CCNH: variants seen among roughly 807,000 people sequenced by gnomAD.
The protein encoded by CCNH is cyclin-H.
Under a neutral mutation model 41.9 loss-of-function variants are expected in CCNH, and 31 were observed. The ratio of observed to expected loss-of-function variants is 0.74; its 90% CI spans 0.56 to 1.00. The LOEUF (loss-of-function observed/expected upper bound fraction) is 1.00, where lower values mean the gene tolerates loss of function less well. Among genes scored for constraint, CCNH ranks in the 50% least tolerant of loss-of-function variants. The pLI is 0.00. For synonymous variants in CCNH, 138 were observed against 136.1 expected, an observed-to-expected ratio of 1.01 and a Z score of -0.10; for missense variants, 362 against 388.4, an observed-to-expected ratio of 0.93 and a Z score of 0.57.
At chr5:87,381,221 G>T (rs886096409), upstream of CCNH, among the ~76,000 whole-genome samples, 6 of 152,168 alleles carry the variant, frequency 3.9e-5, no homozygotes, top group East Asian at 9.6e-4. Context: ...TGAAGAAGCA[G>T]ATCTGTCTGG....
chr5:87,317,969 A>AT (rs574093115), downstream of CCNH, among the ~76,000 whole-genome samples: 6 of 151,440 alleles, frequency 4.0e-5, no homozygotes, highest in African/African-American at 7.3e-5. Context: ...ATTTTTTCCC[A>AT]TTTTTTTTAG....
chr5:87,385,655 A>G (rs572798239), intron 9 of CCNH, among the ~76,000 whole-genome samples: 12 of 152,222 alleles, frequency 7.9e-5, no homozygotes, highest in African/African-American at 1.9e-4. Flanking sequence ...AACATAATCA[A>G]TGAGTACATT....
upstream of CCNH, chr5:87,379,680 C>T: frequency 1.9e-6 from 3 of 1,595,730 alleles, no homozygotes; most frequent in South Asian, 1.1e-5. Context: ...TTCCTCTATT[C>T]ATTTGCATTT....
At chr5:87,363,595 C>T in intron 9 of CCNH, 1 of 1,429,332 alleles carries the variant, frequency 7.0e-7, no homozygotes, top group Non-Finnish European at 9.7e-7. Context: ...GCCCTAAAAT[C>T]ATCTTCTAAA....
At chr5:87,332,103 A>G (rs1043356175) in intron 9 of CCNH, among the ~76,000 whole-genome samples, 2 of 152,168 alleles carry the variant, frequency 1.3e-5, no homozygotes, top group Non-Finnish European at 2.9e-5. Flanking sequence ...CCATGATACC[A>G]CATGTAGTAT....
At chr5:87,320,121 G>A (rs1010249545) in intron 9 of CCNH, among the ~76,000 whole-genome samples, 1 of 152,102 alleles carries the variant, frequency 6.6e-6, no homozygotes, top group Non-Finnish European at 1.5e-5. Flanking sequence ...TTCCCAATAA[G>A]TTCCTCATCT....
Position 87,338,251 on chromosome 5 carries a change from T to C in CCNH, c.*91-19354A>G, listed in dbSNP as rs139262146. Among the ~76,000 whole-genome samples, 401 of 152,070 alleles carry C rather than the reference T, an allele frequency of 2.6e-3. 5 individuals carry two copies. The highest frequency in any genetic ancestry group is 8.1e-3 in the East Asian group (42 of 5,174). On this transcript the variant is annotated intron_variant and NMD_transcript_variant, in intron 9 of 9. Transcript: ENST00000645953. ...AAGTGCTGTTTGTTAGTATGGAACA[T>C]AATCAGGCTAGCATATTATAATACA...
At chr5:87,353,723 T>G (rs1429633660) in intron 9 of CCNH, among the ~76,000 whole-genome samples, 1 of 151,968 alleles carries the variant, frequency 6.6e-6, no homozygotes, top group Non-Finnish European at 1.5e-5. Context: ...AGAGTGAAGT[T>G]GTATGGGGAG....
At chr5:87,354,599 A>T (rs909563259) in intron 9 of CCNH, among the ~76,000 whole-genome samples, 1 of 152,104 alleles carries the variant, frequency 6.6e-6, no homozygotes, top group African/African-American at 2.4e-5. Context: ...AACACTATTA[A>T]AATTGGGCCA....
In CCNH at chr5:87,353,341, A is replaced by C. The variant is rs1159962845; in HGVS notation, c.*91-34444T>G. 5 of 894,158 alleles carry C rather than the reference A, an allele frequency of 5.6e-6. No individual in the cohort carries two copies. In the Admixed American group the frequency reaches 6.3e-5, roughly 11 times the overall value. The allele number at this position is 894,158 out of a possible 1,614,324, so 55.4% of individuals were successfully genotyped here. Reference sequence around the variant, plus strand: ...TACAATTCAAATTGGATACAACTTAAAACTACAGATTATTTAGATTTTTTT... The same window carrying C: ...TACAATTCAAATTGGATACAACTTACAACTACAGATTATTTAGATTTTTTT... On this transcript the variant is annotated intron_variant and NMD_transcript_variant, in intron 9 of 9. Coordinates refer to the CCNH transcript ENST00000645953.
chr5:87,396,560 G>A (rs3093844), intron 7 of CCNH, among the ~76,000 whole-genome samples: 41 of 152,254 alleles, frequency 2.7e-4, no homozygotes, highest in African/African-American at 9.6e-4. Context: ...GGGAGGCAGA[G>A]GTTGCAGTGA....
chr5:87,383,239 A>G (rs1761848816), intron 9 of CCNH, among the ~76,000 whole-genome samples: 1 of 152,206 alleles, frequency 6.6e-6, no homozygotes. Flanking sequence ...CAACCAACTT[A>G]GGCTGTTCTG....
intron 9 of CCNH, among the ~76,000 whole-genome samples, chr5:87,335,258 A>G (rs751712551): frequency 4.6e-5 from 7 of 152,156 alleles, no homozygotes; most frequent in South Asian, 2.1e-4. Context: ...GAGTGAGTCT[A>G]TTATTTCAAG....
chr5:87,386,333 G>T (rs187384751), intron 9 of CCNH, among the ~76,000 whole-genome samples: 1 of 152,152 alleles, frequency 6.6e-6, no homozygotes, highest in Non-Finnish European at 1.5e-5. Context: ...TTAACTACGT[G>T]TATGGCCTAG....
At chr5:87,349,093 A>G (rs907392747) in intron 9 of CCNH, 1 of 1,230,846 alleles carries the variant, frequency 8.1e-7, no homozygotes, top group African/African-American at 1.6e-5. Flanking sequence ...AAAAAAAAAC[A>G]AGTTCCTGGT....
chr5:87,411,401 G>A, intron 1 of CCNH, 55 bp from the exon 2 acceptor site: 1 of 1,525,380 alleles, frequency 6.6e-7, no homozygotes, highest in Non-Finnish European at 8.8e-7. Flanking sequence ...TTAAACAATT[G>A]TAAAACATTT....
intron 7 of CCNH, among the ~76,000 whole-genome samples, chr5:87,396,034 G>A (rs968745933): frequency 5.3e-5 from 8 of 151,398 alleles, no homozygotes; most frequent in Non-Finnish European, 1.2e-4. Flanking sequence ...AACCAACTGC[G>A]GATTGAAAAT....
downstream of CCNH, chr5:87,390,802 C>T (rs1371860135): frequency 7.5e-6 from 12 of 1,609,898 alleles, no homozygotes; most frequent in Middle Eastern, 1.6e-4. Context: ...CTGTCTAGCA[C>T]GTATTGAAAA....
At chr5:87,399,636 G>T in intron 6 of CCNH, 131 bp from the exon 7 acceptor site, 1 of 651,948 alleles carries the variant, frequency 1.5e-6, no homozygotes, top group Non-Finnish European at 2.7e-6. Flanking sequence ...CTCAGGATTT[G>T]CATCATTCTG....
Sources: gnomAD v4.1 joint callset for allele counts (sites outside exome capture counted in the v4.1 genomes callset) on GRCh38, gnomAD v4.1.1 for gene constraint, MANE v1.5 for transcripts, NCBI Gene and HGNC (gene_info 2026-07-23, HGNC 2026-07-21) for gene names.